C16orf90: variants seen among roughly 807,000 people sequenced by gnomAD.
C16orf90 encodes uncharacterized protein C16orf90.
In C16orf90, 17 loss-of-function variants were observed where a neutral mutation model predicts 17.1. The ratio of observed to expected loss-of-function variants is 1.00; its 90% confidence interval spans 0.68 to 1.49. C16orf90 has a LOEUF of 1.49. Among genes scored for constraint, C16orf90 ranks in the 40% most tolerant of loss-of-function variants. The pLI is 0.00. For missense variants in C16orf90, 255 were observed against 235.5 expected, an observed-to-expected ratio of 1.08 and a Z score of -0.54; for synonymous variants, 108 against 95.8, an observed-to-expected ratio of 1.13 and a Z score of -0.75.
Position 3,494,896 on chromosome 16 carries a change from G to T in C16orf90, c.47-19C>A, listed in dbSNP as rs766937272. ...ACTGCATCTGCAGAGGAGACAGCGGGAGGGTGGTGGCCAGCCCCCCACAGC... is the reference window on the plus strand; with the variant it reads ...ACTGCATCTGCAGAGGAGACAGCGGTAGGGTGGTGGCCAGCCCCCCACAGC... On this transcript the variant is annotated intron_variant, in intron 1 of 2. Transcript: ENST00000437192. The T allele has an allele frequency of 6.7e-7, 1 of 1,483,930 alleles. No homozygotes were observed. Among genetic ancestry groups the T allele is most frequent in the Non-Finnish European group, 8.9e-7 (1 of 1,118,970 alleles). 91.9% of individuals were successfully genotyped at this position (1,483,930 alleles called of 1,614,324 possible). A position where few individuals can be genotyped will look rare whatever the true frequency, so the allele number is the denominator to read the frequency against.
upstream of C16orf90, chr16:3,496,308 C>T: frequency 3.1e-6 from 3 of 970,666 alleles, no homozygotes; most frequent in Non-Finnish European, 4.8e-6. Flanking sequence ...TACAGGTTAC[C>T]GTCCAGACGA....
At position 3,493,698 on chromosome 16, in the gene C16orf90, C is replaced by G; in HGVS notation, c.*141G>C. The stretch of plus-strand genomic sequence containing the variant: ...CCTCCCTCTCCCCATCACATTCTCC[C>G]GAGGCCCAGGCCTGGGCGCTGGGCC... On this transcript the variant is annotated 3_prime_UTR_variant, in exon 3 of 3. Coordinates refer to ENST00000437192, the MANE Select transcript of C16orf90 (RefSeq NM_001080524.2). 3 of 674,320 alleles carry G rather than the reference C, an allele frequency of 4.4e-6. No homozygotes were observed. Among genetic ancestry groups the G allele is most frequent in the Non-Finnish European group, 4.8e-6 (2 of 416,820 alleles). 41.8% of individuals were successfully genotyped at this position (674,320 alleles called of 1,614,324 possible).
upstream of C16orf90, chr16:3,496,446 T>A: frequency 2.0e-6 from 2 of 980,738 alleles, no homozygotes; most frequent in Non-Finnish European, 3.1e-6. Flanking sequence ...AAAACGGCCG[T>A]GGTTGTGGGG....
At position 3,495,486 on chromosome 16, in the gene C16orf90, G is replaced by A. The variant is rs2037296760; in HGVS notation, c.-65C>T. The A allele has an allele frequency of 1.9e-6, 3 of 1,579,116 alleles. No homozygotes were observed. In the African/African-American group the frequency reaches 4.0e-5, roughly 21 times the overall value. ...GTGCAGCAGGGCCCTGCTCTCCCCT[G>A]CCTAGGGGGTACATTGGCAGGTCTC... On this transcript the variant is annotated 5_prime_UTR_variant, in exon 1 of 3. Transcript: ENST00000437192.
upstream of C16orf90, chr16:3,496,512 C>G (rs2037312424): frequency 1.7e-6 from 1 of 593,430 alleles, no homozygotes; most frequent in East Asian, 4.5e-5. Context: ...GGTGTGTGCG[C>G]TGCCCGTGAC....
Position 3,494,762 on chromosome 16 carries a change from G to T in C16orf90, c.162C>A (p.Pro54=). 6.2e-7 allele frequency: 1 copy of T among 1,602,482 alleles called. No homozygotes were observed. The highest frequency in any genetic ancestry group is 8.5e-7 in the Non-Finnish European group (1 of 1,175,278). ...PQCPSAQGSK[P]KNFRLRHLRG... Reference sequence around the variant, plus strand: ...GGAGGTGGCGCAGCCGGAAGTTCTTGGGCTTGCTTCCCTGGGCACTGGGGC... The same window carrying T: ...GGAGGTGGCGCAGCCGGAAGTTCTTTGGCTTGCTTCCCTGGGCACTGGGGC... Residue 54 remains proline, a synonymous_variant, in exon 2 of 3, where the codon CCC becomes CCA. Coordinates refer to ENST00000437192, the MANE Select transcript of C16orf90 (RefSeq NM_001080524.2).
upstream of C16orf90, chr16:3,496,610 C>T: frequency 1.9e-6 from 1 of 531,792 alleles, no homozygotes; most frequent in Non-Finnish European, 3.7e-6. Context: ...GGACGGCGGC[C>T]CCGTCCTACT....
At chr16:3,495,885 C>G (rs993942301), upstream of C16orf90, among the ~76,000 whole-genome samples, 5 of 152,058 alleles carry the variant, frequency 3.3e-5, no homozygotes, top group African/African-American at 1.2e-4. Flanking sequence ...GCAGGCTGAT[C>G]AGTTGAGGTC....
Position 3,494,621 on chromosome 16 carries a change from C to A in C16orf90, c.303G>T (p.Trp101Cys). Reference sequence around the variant, plus strand: ...GAGTCCCCTGTGGCAGGTCCAGGGCCCAGGCTGTGCCCTCAGGCTGTGGCA... The same window carrying A: ...GAGTCCCCTGTGGCAGGTCCAGGGCACAGGCTGTGCCCTCAGGCTGTGGCA... ...GCLPQPEGTA[W>C]ALDLPQGTLG... The change falls in exon 2 of 3, where the codon TGG becomes TGT. Residue 101 changes from tryptophan to cysteine, a missense_variant. Physicochemically the swap from Trp to Cys is radical, Grantham distance 215. Coordinates refer to ENST00000437192, the MANE Select transcript of C16orf90 (RefSeq NM_001080524.2). 1.2e-6 allele frequency: 2 copies of A among 1,612,380 alleles called. No homozygotes were observed. The highest frequency in any genetic ancestry group is 1.7e-6 in the Non-Finnish European group (2 of 1,179,742).
At chr16:3,495,332 G>A (rs1330223907) in intron 1 of C16orf90, 44 bp downstream of exon 1, 1 of 1,575,686 alleles carries the variant, frequency 6.3e-7, no homozygotes. Context: ...GGTGGGGACA[G>A]AAGCCTATCT....
rs538640652 is a variant in C16orf90, at chr16:3,494,733, C to T, written c.191G>A (p.Gly64Asp). The change falls in exon 2 of 3, where the codon GGC becomes GAC. Residue 64 changes from glycine to aspartate, a missense_variant. Physicochemically the swap from Gly to Asp is moderately conservative, Grantham distance 94. Coordinates refer to ENST00000437192, the MANE Select transcript of C16orf90 (RefSeq NM_001080524.2). The part of the protein sequence containing the change: ...PKNFRLRHLR[G>D]LGLYLESHPP... ...GTGGCTCTCCAGGTAGAGGCCCAGG[C>T]CCCGGAGGTGGCGCAGCCGGAAGTT... is the stretch of plus-strand genomic sequence containing the variant. 8 of 1,605,334 alleles carry T rather than the reference C, an allele frequency of 5.0e-6. No homozygotes were observed. In the South Asian group the frequency reaches 8.8e-5, roughly 18 times the overall value.
chr16:3,493,574 C>T lies in C16orf90; in HGVS notation c.*265G>A. 1 of 327,186 alleles carries T rather than the reference C, an allele frequency of 3.1e-6. No individual in the cohort carries two copies. Among genetic ancestry groups the T allele is most frequent in the East Asian group, 5.0e-5 (1 of 19,832 alleles). 20.3% of individuals were successfully genotyped at this position (327,186 alleles called of 1,614,324 possible). A position where few individuals can be genotyped will look rare whatever the true frequency, so the allele number is the denominator to read the frequency against. On this transcript the variant is annotated 3_prime_UTR_variant, in exon 3 of 3. Coordinates refer to ENST00000437192, the MANE Select transcript of C16orf90 (RefSeq NM_001080524.2). ...GGGGGGGCCTGATTCTGCACTCAGC[C>T]CGGCCTCCCAGGTACAAGTGGCTGA...
chr16:3,495,233 C>G, intron 1 of C16orf90, 143 bp downstream of exon 1: 1 of 957,190 alleles, frequency 1.0e-6, no homozygotes, highest in South Asian at 1.4e-5. Flanking sequence ...GAGAAAGTGG[C>G]CAGCCCAGGG....
In C16orf90 at chr16:3,493,831, C is replaced by G; in HGVS notation, c.*8G>C. ...CCCTCCTGTACCCAGTCCTGGCACTCGGGATCCCTATGGCCTCTCCAGGGC... is the reference window on the plus strand; with the variant it reads ...CCCTCCTGTACCCAGTCCTGGCACTGGGGATCCCTATGGCCTCTCCAGGGC... On this transcript the variant is annotated 3_prime_UTR_variant, in exon 3 of 3. Transcript: ENST00000437192. The G allele has an allele frequency of 6.3e-7, 1 of 1,594,464 alleles. No individual in the cohort carries two copies. The highest frequency in any genetic ancestry group is 1.1e-5 in the South Asian group (1 of 88,194).
At chr16:3,496,345 GC>G, upstream of C16orf90, 1 of 1,195,466 alleles carries the variant, frequency 8.4e-7, no homozygotes, top group Admixed American at 1.8e-5. Flanking sequence ...ACCAGGTTGT[GC>G]TGAAGAGGTT....
In C16orf90 at chr16:3,494,612, G is replaced by T. The variant is rs1269862418; in HGVS notation, c.312C>A (p.Asp104Glu). ...GTGGGCCCAGAGTCCCCTGTGGCAG[G>T]TCCAGGGCCCAGGCTGTGCCCTCAG... is the stretch of plus-strand genomic sequence containing the variant. ...PQPEGTAWALDLPQGTLGPRN... is the reference protein window; with the variant it reads ...PQPEGTAWALELPQGTLGPRN... Residue 104 changes from aspartate (D) to glutamate (E), a missense_variant, in exon 2 of 3, where the codon GAC becomes GAA. Asp to Glu is a conservative substitution (Grantham distance 45). Transcript: ENST00000437192. The T allele has an allele frequency of 1.9e-6, 3 of 1,612,562 alleles. No homozygotes were observed. Among genetic ancestry groups the T allele is most frequent in the South Asian group, 2.2e-5 (2 of 91,072 alleles).
chr16:3,493,519 G>A lies in C16orf90; in HGVS notation c.*320C>T, dbSNP rs561615840. ...GGCTTTTATTGAGATCAGAGCTGTG[G>A]GCTCCCCGGCCTCTCAGGGAGGCGG... On this transcript the variant is annotated 3_prime_UTR_variant, in exon 3 of 3. Transcript: ENST00000437192. 5 of 240,936 alleles carry A rather than the reference G, an allele frequency of 2.1e-5. No homozygotes were observed. The East Asian group carries it at 3.3e-4, about 16-fold the overall frequency. The allele number at this position is 240,936 out of a possible 1,614,324, so 14.9% of individuals were successfully genotyped here.
intron 1 of C16orf90, 83 bp downstream of exon 1, chr16:3,495,293 C>A (rs2037292502): frequency 6.7e-7 from 1 of 1,491,826 alleles, no homozygotes; most frequent in African/African-American, 1.4e-5. Context: ...CATACATGTC[C>A]CTGAGGCCAC....
At position 3,494,405 on chromosome 16, in the gene C16orf90, C is replaced by G. The variant is rs186221058; in HGVS notation, c.400+119G>C. 13 of 811,530 alleles carry G rather than the reference C, an allele frequency of 1.6e-5. No individual in the cohort carries two copies. The African/African-American group carries it at 1.9e-4, about 12-fold the overall frequency. The allele number at this position is 811,530 out of a possible 1,614,324, so 50.3% of individuals were successfully genotyped here. On this transcript the variant is annotated intron_variant, in intron 2 of 2. Coordinates refer to ENST00000437192, the MANE Select transcript of C16orf90 (RefSeq NM_001080524.2). ...GGGACAGATTCATCAAGATCTTGGC[C>G]TTCTGGGGCATGGTGCCACTGTGGA...
Sources: allele counts gnomAD v4.1 joint callset (sites outside exome capture counted in the v4.1 genomes callset), GRCh38; gene constraint gnomAD v4.1.1; transcripts MANE v1.5; gene names NCBI Gene and HGNC (gene_info 2026-07-23, HGNC 2026-07-21).